ITSN2: variants seen among roughly 807,000 people sequenced by gnomAD.
ITSN2 encodes intersectin 2.
In ITSN2, 156 loss-of-function variants were observed where a neutral mutation model predicts 243.7. The observed-to-expected ratio is 0.64, with a 90% CI of 0.56 to 0.73. The LOEUF (loss-of-function observed/expected upper bound fraction) is 0.73. Ranked by LOEUF, ITSN2 falls within the 30% of genes least tolerant of loss-of-function variation. The probability of loss-of-function intolerance (pLI) is 0.00; values close to 1 mark genes in which losing one functional copy is unlikely to be tolerated. For missense variants in ITSN2, 1,801 were observed against 1,996.1 expected (o/e 0.90, Z 1.86); for synonymous variants, 703 against 699.9 (o/e 1.00, Z -0.07).
At chr2:24,280,836 AACCTCAAGT>A (rs2151518395) in intron 17 of ITSN2, among the ~76,000 whole-genome samples, 1 of 152,296 alleles carries the variant, frequency 6.6e-6, no homozygotes, top group African/African-American at 2.4e-5. Flanking sequence ...ATGCAATCCA[AACCTCAAGT>A]CTCAGGCTGA....
chr2:24,343,452 C>T (rs1032008858), intron 1 of ITSN2, among the ~76,000 whole-genome samples: 1 of 152,144 alleles, frequency 6.6e-6, no homozygotes, highest in Non-Finnish European at 1.5e-5. Context: ...AGTTACTCTG[C>T]TTTTGCTTGT....
chr2:24,220,155 C>T (rs1670309398), intron 30 of ITSN2, among the ~76,000 whole-genome samples: 3 of 152,216 alleles, frequency 2.0e-5, no homozygotes, highest in Admixed American at 6.5e-5. Context: ...AGGACGCAGC[C>T]TCTGCTCCAT....
At position 24,220,740 on chromosome 2, in the gene ITSN2, T is replaced by C. The variant is rs989097447; in HGVS notation, c.3699+205A>G. 1.4e-5 allele frequency: 19 copies of C among 1,378,484 alleles called. No homozygotes were observed. In the Admixed American group the frequency reaches 1.5e-4, roughly 11 times the overall value. 85.4% of individuals were successfully genotyped at this position (1,378,484 alleles called of 1,614,324 possible). A position where few individuals can be genotyped will look rare whatever the true frequency, so the allele number is the denominator to read the frequency against. On this transcript the variant is annotated intron_variant, in intron 30 of 39. Transcript: ENST00000355123. Reference sequence around the variant, plus strand: ...ACCTCATCTGGGGGAAAGAGCTCATTAGAGACTTTCAATCTCAAGCATTAT... The same window carrying C: ...ACCTCATCTGGGGGAAAGAGCTCATCAGAGACTTTCAATCTCAAGCATTAT...
intron 20 of ITSN2, among the ~76,000 whole-genome samples, chr2:24,265,873 A>G (rs1379950211): frequency 6.6e-6 from 1 of 152,206 alleles, no homozygotes; most frequent in African/African-American, 2.4e-5. Context: ...TTTAGAGGAA[A>G]TACTACAGAC....
intron 1 of ITSN2, among the ~76,000 whole-genome samples, chr2:24,340,244 G>A (rs1345245772): frequency 5.3e-5 from 8 of 152,134 alleles, no homozygotes; most frequent in Non-Finnish European, 4.4e-5. Context: ...CACTTTGGGA[G>A]GCCGAGGCGG....
intron 29 of ITSN2, among the ~76,000 whole-genome samples, chr2:24,230,184 CTA>C (rs543228747): frequency 1.2e-3 from 177 of 152,342 alleles, no homozygotes; most frequent in African/African-American, 4.1e-3. Context: ...ACCTGCTCCT[CTA>C]TAATTTTCCA....
intron 2 of ITSN2, among the ~76,000 whole-genome samples, chr2:24,327,359 T>C (rs1685269418): frequency 6.6e-6 from 1 of 151,880 alleles, no homozygotes; most frequent in South Asian, 2.1e-4. Context: ...GTAGTGGCCC[T>C]ATCTCGGTAC....
chr2:24,234,796 C>A (rs556803640), intron 29 of ITSN2, among the ~76,000 whole-genome samples: 1 of 152,246 alleles, frequency 6.6e-6, no homozygotes, highest in Admixed American at 6.5e-5. Context: ...AAATGAGATA[C>A]CACTACACAC....
chr2:24,282,253 G>A (rs932129442), intron 17 of ITSN2, among the ~76,000 whole-genome samples: 7 of 152,214 alleles, frequency 4.6e-5, no homozygotes, highest in African/African-American at 1.4e-4. Context: ...TCAAGAGCAC[G>A]CCGGTGGAAG....
Position 24,295,788 on chromosome 2 carries a change from T to G in ITSN2, c.1511A>C (p.Gln504Pro). The G allele has an allele frequency of 3.2e-6, 5 of 1,544,592 alleles. No homozygotes were observed. The highest frequency in any genetic ancestry group is 4.3e-6 in the Non-Finnish European group (5 of 1,154,014). ...GACATCCTGAAGTCTGCCTGAGATC[T>G]GCTGATGTTTGCCATTCTATAGGAA... is the stretch of plus-strand genomic sequence containing the variant. Reference protein sequence around the residue: ...ELEALNGKHQQISGRLQDVRL... With the variant: ...ELEALNGKHQPISGRLQDVRL... The change falls in exon 14 of 40, where the codon CAG (glutamine) becomes CCG (proline). Residue 504 changes from glutamine (Q) to proline (P), a missense_variant. By Grantham distance (76) the Gln-to-Pro change is moderately conservative. Transcript: ENST00000355123.
intron 14 of ITSN2, among the ~76,000 whole-genome samples, chr2:24,295,231 C>T (rs1488085341): frequency 1.3e-5 from 2 of 152,084 alleles, no homozygotes; most frequent in African/African-American, 4.8e-5. Context: ...TACAGGATTG[C>T]GTGTATTTAG....
chr2:24,254,934 GTT>G (rs1484644435), intron 23 of ITSN2, among the ~76,000 whole-genome samples: 1 of 152,158 alleles, frequency 6.6e-6, no homozygotes, highest in Non-Finnish European at 1.5e-5. Context: ...AGACTGTCCT[GTT>G]TAACTAGACA....
At chr2:24,261,271 T>TATAA in intron 21 of ITSN2, 21 bp from the exon 22 acceptor site, 1 of 1,569,390 alleles carries the variant, frequency 6.4e-7, no homozygotes, top group Admixed American at 1.7e-5. Flanking sequence ...AACACTTTGA[T>TATAA]ATAAGTATAT....
rs1261919582 is a variant in ITSN2, at chr2:24,211,012, G to GC, written c.4090-66dup. 3.3e-6 allele frequency: 5 copies of GC among 1,496,932 alleles called. No homozygotes were observed. The African/African-American group carries it at 5.5e-5, about 16-fold the overall frequency. 92.7% of individuals were successfully genotyped at this position (1,496,932 alleles called of 1,614,324 possible). On this transcript the variant is annotated intron_variant, in intron 33 of 39. Transcript: ENST00000355123. The surrounding 1 kb of genome is among the most constrained non-coding windows in gnomAD (Gnocchi z 4.1). ...CTCTCACCTGCCCACCTGGACCTTCGCAGGACCGCTCCTCCAACCCCATGT... is the reference window on the plus strand; with the variant it reads ...CTCTCACCTGCCCACCTGGACCTTCGCCAGGACCGCTCCTCCAACCCCATGT...
chr2:24,224,618 A>G (rs536846964), intron 29 of ITSN2, among the ~76,000 whole-genome samples: 1 of 148,846 alleles, frequency 6.7e-6, no homozygotes, highest in East Asian at 2.0e-4. Flanking sequence ...TTTGCATTTC[A>G]TCATGACGGC....
At position 24,251,397 on chromosome 2, in the gene ITSN2, GTA is replaced by G. The variant is rs1173242443; in HGVS notation, c.3120+946_3120+947del. Among the ~76,000 whole-genome samples the G allele has an allele frequency of 9.7e-4, 5 of 5,174 alleles. 2 individuals are homozygous for G. The highest frequency in any genetic ancestry group is 4.8e-3 in the African/African-American group (5 of 1,038). 3.4% of individuals were successfully genotyped at this position (5,174 alleles called of 152,430 possible). On this transcript the variant is annotated intron_variant, in intron 25 of 39. Transcript: ENST00000355123. ...TATATATGTATGTGTATATATATGT[GTA>G]TATATATATGTGTGTATATATATGT...
intron 1 of ITSN2, among the ~76,000 whole-genome samples, chr2:24,352,079 T>G (rs1011657109): frequency 6.6e-6 from 1 of 152,224 alleles, no homozygotes; most frequent in Non-Finnish European, 1.5e-5. Context: ...ATTTATAAAT[T>G]AAACTTTATC....
intron 29 of ITSN2, among the ~76,000 whole-genome samples, chr2:24,234,025 A>G (rs892352009): frequency 2.6e-5 from 4 of 152,226 alleles, no homozygotes; most frequent in African/African-American, 9.6e-5. Context: ...GCCAACAAAA[A>G]AATTAAAGGA....
chr2:24,304,692 A>G lies in ITSN2; in HGVS notation c.794-830T>C, dbSNP rs115800985. Among the ~76,000 whole-genome samples, 326 of 152,338 alleles carry G rather than the reference A, an allele frequency of 2.1e-3. 1 individual carries two copies. Among genetic ancestry groups the G allele is most frequent in the African/African-American group, 7.5e-3 (311 of 41,588 alleles). On this transcript the variant is annotated intron_variant, in intron 8 of 39. Coordinates refer to ENST00000355123, the MANE Select transcript of ITSN2 (RefSeq NM_006277.3). Reference sequence around the variant, plus strand: ...AAAAAAAGTTCAAAACTACTATTTCAGCTTTTGGACCGAAAAAAGATCCTT... The same window carrying G: ...AAAAAAAGTTCAAAACTACTATTTCGGCTTTTGGACCGAAAAAAGATCCTT...
Sources: allele counts gnomAD v4.1 joint callset (sites outside exome capture counted in the v4.1 genomes callset), GRCh38; gene constraint gnomAD v4.1.1; non-coding constraint Gnocchi (gnomAD v3.1); transcripts MANE v1.5; gene names NCBI Gene and HGNC (gene_info 2026-07-23, HGNC 2026-07-21).